The following AFF3 variants were observed in gnomAD, a reference collection of about 807,000 sequenced individuals.
AFF3 encodes the protein AF4/FMR2 family member 3.
AFF3 carries 32 observed loss-of-function variants against 129.7 expected under a neutral mutation model. The observed-to-expected ratio is 0.25, with a 90% CI of 0.19 to 0.33. The LOEUF (loss-of-function observed/expected upper bound fraction) is 0.33, where lower values mean the gene tolerates loss of function less well. AFF3 is among the 10% of genes least tolerant of loss of function. AFF3 has a pLI of 1.00. For missense variants in AFF3, 1,373 were observed against 1,592.0 expected (o/e 0.86, Z 2.34); for synonymous variants, 644 against 635.4 (o/e 1.01, Z -0.20).
chr2:99,982,710 C>T (rs1388552271), intron 7 of AFF3, among the ~76,000 whole-genome samples: 2 of 151,978 alleles, frequency 1.3e-5, no homozygotes, highest in African/African-American at 2.4e-5. Context: ...GATACTGAAT[C>T]GACTAGACAT....
chr2:100,046,181 C>T (rs750539861), intron 4 of AFF3, among the ~76,000 whole-genome samples: 2 of 152,176 alleles, frequency 1.3e-5, no homozygotes, highest in Non-Finnish European at 1.5e-5. Context: ...ATGTACTTAG[C>T]TGGTGCAGAC....
At chr2:99,961,511 C>G (rs1385794440) in intron 7 of AFF3, among the ~76,000 whole-genome samples, 1 of 152,186 alleles carries the variant, frequency 6.6e-6, no homozygotes, top group African/African-American at 2.4e-5. Flanking sequence ...GGCTGGTCCA[C>G]TTGATGCACA....
intron 1 of AFF3, among the ~76,000 whole-genome samples, chr2:100,135,465 A>G (rs1471977051): frequency 6.6e-6 from 1 of 152,122 alleles, no homozygotes; most frequent in Non-Finnish European, 1.5e-5. Context: ...CCACCAAAAC[A>G]TGGCCATTCT....
chr2:99,654,422 C>A (rs1221473673), intron 12 of AFF3, among the ~76,000 whole-genome samples: 2 of 152,028 alleles, frequency 1.3e-5, no homozygotes, highest in Non-Finnish European at 2.9e-5. Context: ...TCAGCTTTTG[C>A]ACACTATTTT....
chr2:99,959,339 C>CAAAAAAAAAAAAA (rs34083581), intron 7 of AFF3, among the ~76,000 whole-genome samples: 1 of 66,934 alleles, frequency 1.5e-5, no homozygotes, highest in Non-Finnish European at 2.9e-5. Context: ...AAGAGTCTGC[C>CAAAAAAAAAAAAA]AAAAAAAAAA....
At chr2:99,662,258 C>T (rs1466626119) in intron 12 of AFF3, among the ~76,000 whole-genome samples, 1 of 152,050 alleles carries the variant, frequency 6.6e-6, no homozygotes, top group Non-Finnish European at 1.5e-5. Flanking sequence ...TATATGATTA[C>T]TTCATATACG....
rs772902482 is a variant in AFF3 at position 99,551,561 on chromosome 2, C to T, written c.3594G>A (p.Pro1198=). The T allele has an allele frequency of 2.2e-5, 35 of 1,613,940 alleles. No homozygotes were observed. The highest frequency in any genetic ancestry group is 3.3e-5 in the Admixed American group (2 of 59,990). Reference sequence around the variant, plus strand: ...GCTCCATGCTGCTGTGCAGGGTGACCGGCCCCATGAGCAGATCCAGGTCGT... The same window carrying T: ...GCTCCATGCTGCTGTGCAGGGTGACTGGCCCCATGAGCAGATCCAGGTCGT... ...FFNDLDLLMG[P]VTLHSSMEHL... is the part of the protein sequence containing the mutation. The change falls in exon 25 of 25, where the codon CCG becomes CCA. Residue 1198 remains proline (P), a synonymous_variant. Coordinates refer to ENST00000672756, the MANE Select transcript of AFF3 (RefSeq NM_001386135.1).
At chr2:99,652,677 C>CGTCT (rs1685374494) in intron 12 of AFF3, among the ~76,000 whole-genome samples, 1 of 152,114 alleles carries the variant, frequency 6.6e-6, no homozygotes, top group South Asian at 2.1e-4. Context: ...ATGGACCTTG[C>CGTCT]GTCTGGCCTT....
At chr2:99,563,642 C>T (rs1675690645) in intron 20 of AFF3, among the ~76,000 whole-genome samples, 1 of 151,292 alleles carries the variant, frequency 6.6e-6, no homozygotes, top group African/African-American at 2.4e-5. Flanking sequence ...GAAACCCCAT[C>T]TCTACTAAAA....
chr2:99,736,057 T>C (rs1294295249), intron 10 of AFF3, among the ~76,000 whole-genome samples: 1 of 152,218 alleles, frequency 6.6e-6, no homozygotes, highest in African/African-American at 2.4e-5. Context: ...TATGGTCCAG[T>C]AGTTGTCAAT....
intron 11 of AFF3, among the ~76,000 whole-genome samples, chr2:99,721,533 A>AT (rs1402714006): frequency 2.0e-5 from 3 of 151,746 alleles, no homozygotes; most frequent in Admixed American, 2.0e-4. Flanking sequence ...GTCTCAAAAA[A>AT]AAAAAGAAAA....
chr2:99,771,258 G>C (rs1362557809), intron 8 of AFF3, among the ~76,000 whole-genome samples: 1 of 152,082 alleles, frequency 6.6e-6, no homozygotes, highest in East Asian at 1.9e-4. Context: ...ACTGAGGCCT[G>C]CCATGGGGGA....
rs369771394 is a variant in AFF3, at chr2:100,056,063, TCA to T, written c.54-47133_54-47132del. ...AAAAAAAAAAATCGCTGTCTCTCTC[TCA>T]CACACACACACACACACACACACAC... On this transcript the variant is annotated intron_variant, in intron 4 of 24. Coordinates refer to ENST00000672756, the MANE Select transcript of AFF3 (RefSeq NM_001386135.1). Among the ~76,000 whole-genome samples the T allele has an allele frequency of 7.5e-3, 898 of 120,514 alleles. 3 individuals carry two copies. The highest frequency in any genetic ancestry group is 0.016 in the East Asian group (68 of 4,134). The allele number at this position is 120,514 out of a possible 152,430, so 79.1% of individuals were successfully genotyped here.
At chr2:99,947,428 G>A (rs1228276413) in intron 7 of AFF3, among the ~76,000 whole-genome samples, 2 of 151,796 alleles carry the variant, frequency 1.3e-5, no homozygotes, top group Admixed American at 6.6e-5. Context: ...GGGAGACAGA[G>A]TGAGACCCCC....
chr2:99,754,577 T>C (rs965137157), intron 8 of AFF3, among the ~76,000 whole-genome samples: 4 of 152,132 alleles, frequency 2.6e-5, no homozygotes, highest in Admixed American at 1.3e-4. Context: ...CTCCAGCAAC[T>C]CAAGAATAAA....
rs144651931 is a variant in AFF3 at position 99,804,114 on chromosome 2, G to T, written c.921+33363C>A. On this transcript the variant is annotated intron_variant, in intron 8 of 24. Coordinates refer to ENST00000672756, the MANE Select transcript of AFF3 (RefSeq NM_001386135.1). ...AGACCTAATTAACTGAGAAGCTTCT[G>T]CATAGCAAAAGAAATAATCATCAGA... 2.9e-4 allele frequency among the ~76,000 whole-genome samples: 44 copies of T among 152,290 alleles called. 1 individual carries two copies. Among genetic ancestry groups the T allele is most frequent in the South Asian group, 1.7e-3 (8 of 4,828 alleles).
In AFF3 at chr2:99,609,645, C is replaced by T. The variant is rs76998522; in HGVS notation, c.1185-8024G>A. ...TCCACTTGTTGATTGATGGATCAGT[C>T]CACTTATTTAAAAAATTCTATTTTG... On this transcript the variant is annotated intron_variant, in intron 13 of 24. Coordinates refer to ENST00000672756, the MANE Select transcript of AFF3 (RefSeq NM_001386135.1). Among the ~76,000 whole-genome samples the T allele has an allele frequency of 6.5e-3, 994 of 152,222 alleles. 18 individuals are homozygous for T. Among genetic ancestry groups the T allele is most frequent in the African/African-American group, 0.023 (952 of 41,526 alleles).
At position 99,929,918 on chromosome 2, in the gene AFF3, CTT is replaced by C. The variant is rs550584146; in HGVS notation, c.873+76712_873+76713del. Among the ~76,000 whole-genome samples the C allele has an allele frequency of 1.2e-4, 17 of 141,856 alleles. No individual in the cohort carries two copies. In the South Asian group the frequency reaches 1.4e-3, roughly 11 times the overall value. The allele number at this position is 141,856 out of a possible 152,430, so 93.1% of individuals were successfully genotyped here. On this transcript the variant is annotated intron_variant, in intron 7 of 24. Coordinates refer to ENST00000672756, the MANE Select transcript of AFF3 (RefSeq NM_001386135.1). ...GCCATTATACATTTTGAATTTTTAG[CTT>C]TTTTTTTTTTTAATGAGTATCTGAC...
chr2:100,014,908 C>T (rs1330302219), intron 4 of AFF3, among the ~76,000 whole-genome samples: 8 of 150,728 alleles, frequency 5.3e-5, no homozygotes, highest in Admixed American at 2.0e-4. Flanking sequence ...CTCAGCCTCC[C>T]GAGTAGCTGG....
Sources: gnomAD v4.1 joint callset for allele counts (sites outside exome capture counted in the v4.1 genomes callset) on GRCh38, gnomAD v4.1.1 for gene constraint, MANE v1.5 for transcripts, NCBI Gene and HGNC (gene_info 2026-07-23, HGNC 2026-07-21) for gene names.